Variants in FCHSD2 observed in about 807,000 individuals in gnomAD.
FCHSD2 encodes the protein FCH and double SH3 domains 2.
In FCHSD2, 38 loss-of-function variants were observed where a neutral mutation model predicts 108.1. The ratio of observed to expected loss-of-function variants is 0.35; its 90% confidence interval spans 0.27 to 0.46. The LOEUF (loss-of-function observed/expected upper bound fraction) is 0.46. Ranked by LOEUF, FCHSD2 falls within the 20% of genes least tolerant of loss-of-function variation. The probability of loss-of-function intolerance (pLI) is 1.00; values close to 1 mark genes in which losing one functional copy is unlikely to be tolerated. For missense variants in FCHSD2, 751 were observed against 897.8 expected, an observed-to-expected ratio of 0.84 and a Z score of 2.09; for synonymous variants, 279 against 314.7, an observed-to-expected ratio of 0.89 and a Z score of 1.20.
At chr11:72,861,889 C>T (rs1198429900) in intron 13 of FCHSD2, among the ~76,000 whole-genome samples, 1 of 149,736 alleles carries the variant, frequency 6.7e-6, no homozygotes, top group Non-Finnish European at 1.5e-5. Flanking sequence ...TGAGATCATG[C>T]CATTGCACTC....
At chr11:72,990,869 T>G (rs754279517) in intron 5 of FCHSD2, among the ~76,000 whole-genome samples, 23 of 151,790 alleles carry the variant, frequency 1.5e-4, no homozygotes, top group Non-Finnish European at 2.8e-4. Context: ...AGAACAGAAC[T>G]GAACGAAATA....
intron 10 of FCHSD2, among the ~76,000 whole-genome samples, chr11:72,902,222 T>C (rs572131133): frequency 1.3e-5 from 2 of 152,234 alleles, no homozygotes; most frequent in East Asian, 1.9e-4. Flanking sequence ...GGGTACAACA[T>C]AAAAAATTTC....
In FCHSD2 at chr11:72,908,814, C is replaced by T. The variant is rs185815472; in HGVS notation, c.829-6176G>A. On this transcript the variant is annotated intron_variant, in intron 9 of 19. Coordinates refer to ENST00000409418, the MANE Select transcript of FCHSD2 (RefSeq NM_014824.3). ...CCTACAGACATATGCCACTATGCCC[C>T]GCTATAGTTTTGTACTTTTTGTAGA... Among the ~76,000 whole-genome samples the T allele has an allele frequency of 1.1e-4, 16 of 152,102 alleles. No individual in the cohort carries two copies. In the East Asian group the frequency reaches 2.1e-3, roughly 20 times the overall value.
At chr11:72,933,226 T>G (rs750149201) in intron 8 of FCHSD2, among the ~76,000 whole-genome samples, 85 of 152,296 alleles carry the variant, frequency 5.6e-4, no homozygotes, top group Non-Finnish European at 4.9e-4. Context: ...TGACTTAAAT[T>G]AGGTCATCCC....
At chr11:72,884,106 C>T (rs1855146992) in intron 12 of FCHSD2, among the ~76,000 whole-genome samples, 1 of 151,978 alleles carries the variant, frequency 6.6e-6, no homozygotes, top group African/African-American at 2.4e-5. Context: ...CTCTTAGTAT[C>T]ATTAATAGCA....
intron 9 of FCHSD2, among the ~76,000 whole-genome samples, chr11:72,904,565 C>T (rs1254130339): frequency 6.6e-6 from 1 of 152,080 alleles, no homozygotes; most frequent in African/African-American, 2.4e-5. Context: ...AGTTCCAGAC[C>T]TATCATTTAG....
At chr11:73,014,880 G>T (rs200584717) in intron 4 of FCHSD2, among the ~76,000 whole-genome samples, 1 of 151,570 alleles carries the variant, frequency 6.6e-6, no homozygotes, top group East Asian at 1.9e-4. Flanking sequence ...GTCTCACTCT[G>T]TCGCCCAGGC....
intron 2 of FCHSD2, among the ~76,000 whole-genome samples, chr11:73,134,157 A>G (rs1449734462): frequency 6.6e-6 from 1 of 152,022 alleles, no homozygotes; most frequent in Non-Finnish European, 1.5e-5. Flanking sequence ...TCTAGATACA[A>G]CAGTCTCTGA....
At chr11:73,007,756 TAC>T (rs1857772610) in intron 4 of FCHSD2, among the ~76,000 whole-genome samples, 1 of 152,186 alleles carries the variant, frequency 6.6e-6, no homozygotes, top group Non-Finnish European at 1.5e-5. Flanking sequence ...TGCACACACA[TAC>T]ACACAAATGA....
At chr11:72,936,425 T>C (rs1856302968) in intron 8 of FCHSD2, among the ~76,000 whole-genome samples, 1 of 152,218 alleles carries the variant, frequency 6.6e-6, no homozygotes, top group South Asian at 2.1e-4. Context: ...CCCTTGTTTT[T>C]TTTACTATAT....
At chr11:73,041,051 G>A (rs1313919256) in intron 3 of FCHSD2, among the ~76,000 whole-genome samples, 1 of 152,178 alleles carries the variant, frequency 6.6e-6, no homozygotes, top group Non-Finnish European at 1.5e-5. Context: ...TGCTATAAAT[G>A]ACAGAATTTC....
At chr11:73,020,431 T>C (rs954987788) in intron 3 of FCHSD2, among the ~76,000 whole-genome samples, 1 of 152,248 alleles carries the variant, frequency 6.6e-6, no homozygotes, top group Non-Finnish European at 1.5e-5. Context: ...TTGGAAACCA[T>C]ATTCTTTATA....
intron 8 of FCHSD2, among the ~76,000 whole-genome samples, chr11:72,981,339 T>A (rs1857212536): frequency 6.6e-6 from 1 of 152,212 alleles, no homozygotes; most frequent in Non-Finnish European, 1.5e-5. Context: ...TATATTAATC[T>A]GTGAGCTGGC....
intron 14 of FCHSD2, among the ~76,000 whole-genome samples, chr11:72,847,179 G>T (rs1481201266): frequency 6.6e-6 from 1 of 152,042 alleles, no homozygotes; most frequent in Non-Finnish European, 1.5e-5. Context: ...AAATTTTTCT[G>T]TAGAGACCAG....
At chr11:72,921,512 T>G (rs1855975535) in intron 9 of FCHSD2, among the ~76,000 whole-genome samples, 1 of 152,260 alleles carries the variant, frequency 6.6e-6, no homozygotes, top group African/African-American at 2.4e-5. Context: ...TTCCCCCATG[T>G]GAGCAGAGTG....
chr11:73,019,768 C>T (rs2135437832), intron 3 of FCHSD2, among the ~76,000 whole-genome samples: 1 of 152,252 alleles, frequency 6.6e-6, no homozygotes, highest in South Asian at 2.1e-4. Flanking sequence ...TTTCTGAAAG[C>T]ATTCTATGCT....
At chr11:72,909,687 GC>G (rs1169479117) in intron 9 of FCHSD2, among the ~76,000 whole-genome samples, 14 of 142,884 alleles carry the variant, frequency 9.8e-5, no homozygotes, top group African/African-American at 3.7e-4. Flanking sequence ...CTGCCTGGCC[GC>G]CCCGTCTGGG....
intron 3 of FCHSD2, among the ~76,000 whole-genome samples, chr11:73,080,296 CAAAAAAAAA>C (rs370633105): frequency 3.8e-5 from 2 of 52,274 alleles, no homozygotes; most frequent in African/African-American, 5.8e-5. Context: ...GACCCTGTCT[CAAAAAAAAA>C]AAAAAAAAAA....
chr11:73,053,146 T>C (rs1170056043), intron 3 of FCHSD2, among the ~76,000 whole-genome samples: 2 of 129,182 alleles, frequency 1.5e-5, no homozygotes, highest in Non-Finnish European at 1.7e-5. Flanking sequence ...GCACCCAGCC[T>C]TTTTTTTTTT....
Sources: gnomAD v4.1 joint callset for allele counts (sites outside exome capture counted in the v4.1 genomes callset) on GRCh38, gnomAD v4.1.1 for gene constraint, MANE v1.5 for transcripts, NCBI Gene and HGNC (gene_info 2026-07-23, HGNC 2026-07-21) for gene names.